The following CELF4 variants were observed in gnomAD, a reference collection of about 807,000 sequenced individuals.
CELF4 encodes CUGBP Elav-like family member 4, also known as CUG-BP- and ETR-3-like factor 4.
Under a neutral mutation model 59.9 loss-of-function variants are expected in CELF4, and 18 were observed. The ratio of observed to expected loss-of-function variants is 0.30; its 90% CI spans 0.21 to 0.45. CELF4 has a LOEUF of 0.45. Ranked by LOEUF, CELF4 falls within the 20% of genes least tolerant of loss-of-function variation. The pLI is 1.00. For missense variants in CELF4, 456 were observed against 689.0 expected, an observed-to-expected ratio of 0.66 and a Z score of 3.79; for synonymous variants, 261 against 267.1, an observed-to-expected ratio of 0.98 and a Z score of 0.22.
At chr18:37,382,289 G>A (rs1259349433) in intron 2 of CELF4, among the ~76,000 whole-genome samples, 1 of 152,190 alleles carries the variant, frequency 6.6e-6, no homozygotes, top group South Asian at 2.1e-4. Context: ...GTCAGCATGT[G>A]CAGTTTGGCT....
chr18:37,453,927 C>A (rs2099771092), intron 2 of CELF4, among the ~76,000 whole-genome samples: 1 of 152,124 alleles, frequency 6.6e-6, no homozygotes, highest in Admixed American at 6.5e-5. Context: ...CTTCTTCCTT[C>A]TCCCCGCTCC....
chr18:37,494,527 G>A (rs1049499627), intron 1 of CELF4, among the ~76,000 whole-genome samples: 1 of 152,222 alleles, frequency 6.6e-6, no homozygotes, highest in East Asian at 1.9e-4. Context: ...GCATGAGGGT[G>A]CTCCCTTATG....
intron 2 of CELF4, among the ~76,000 whole-genome samples, chr18:37,389,701 C>G (rs1452702313): frequency 1.3e-5 from 2 of 152,172 alleles, no homozygotes; most frequent in African/African-American, 2.4e-5. Flanking sequence ...TCCCTGCAGC[C>G]TCACTGTCAC....
chr18:37,552,895 C>T (rs1490758055), intron 1 of CELF4, among the ~76,000 whole-genome samples: 1 of 152,204 alleles, frequency 6.6e-6, no homozygotes, highest in East Asian at 1.9e-4. Context: ...ATCTCTTGCT[C>T]TAAGGCCTGA....
In CELF4 at chr18:37,378,009, G is replaced by A. The variant is rs182153184; in HGVS notation, c.370-56128C>T. On this transcript the variant is annotated intron_variant, in intron 2 of 12. Transcript: ENST00000420428. Reference sequence around the variant, plus strand: ...GCGGGGACCTTCTCCTCCTCCCTGCGCCCCTACGTCAGAGCTGGCTGGGCT... The same window carrying A: ...GCGGGGACCTTCTCCTCCTCCCTGCACCCCTACGTCAGAGCTGGCTGGGCT... Among the ~76,000 whole-genome samples, 345 of 152,214 alleles carry A rather than the reference G, an allele frequency of 2.3e-3. 1 individual carries two copies. The highest frequency in any genetic ancestry group is 8.2e-3 in the African/African-American group (340 of 41,530).
At position 37,253,085 on chromosome 18, in the gene CELF4, C is replaced by G. The variant is rs887033783; in HGVS notation, c.*44+682G>C. On this transcript the variant is annotated intron_variant, in intron 12 of 12. Coordinates refer to ENST00000420428, the MANE Select transcript of CELF4 (RefSeq NM_020180.4). The surrounding 1 kb of genome is among the most constrained non-coding windows in gnomAD (Gnocchi z 4.5). ...CTGGAAGAGGCGTGGCTGACTGTGTCTTCAGCTCCTAGGCAGGACCCAGCC... is the reference window on the plus strand; with the variant it reads ...CTGGAAGAGGCGTGGCTGACTGTGTGTTCAGCTCCTAGGCAGGACCCAGCC... Among the ~76,000 whole-genome samples the G allele has an allele frequency of 4.6e-5, 7 of 152,176 alleles. No homozygotes were observed. Among genetic ancestry groups the G allele is most frequent in the African/African-American group, 1.7e-4 (7 of 41,436 alleles).
intron 2 of CELF4, among the ~76,000 whole-genome samples, chr18:37,431,743 C>T (rs1220963629): frequency 6.6e-6 from 1 of 152,140 alleles, no homozygotes; most frequent in South Asian, 2.1e-4. Flanking sequence ...GTTAAACTTC[C>T]CTGGCAGTTG....
chr18:37,334,557 C>T (rs955976743), intron 2 of CELF4, among the ~76,000 whole-genome samples: 7 of 152,052 alleles, frequency 4.6e-5, no homozygotes, highest in Non-Finnish European at 8.8e-5. Flanking sequence ...GGCGGCTGGA[C>T]GGAGACCCTT....
chr18:37,547,194 C>G (rs935292326), intron 1 of CELF4, among the ~76,000 whole-genome samples: 8 of 94,758 alleles, frequency 8.4e-5, no homozygotes, highest in African/African-American at 1.9e-4. Flanking sequence ...TGTGTGTATT[C>G]TCTTAATACA....
At chr18:37,385,039 T>G (rs960119129) in intron 2 of CELF4, among the ~76,000 whole-genome samples, 1 of 152,212 alleles carries the variant, frequency 6.6e-6, no homozygotes, top group Non-Finnish European at 1.5e-5. Flanking sequence ...GTGTCTGATT[T>G]TTTTGTTAAG....
chr18:37,298,694 C>T (rs2095819784), intron 3 of CELF4, among the ~76,000 whole-genome samples: 1 of 149,004 alleles, frequency 6.7e-6, no homozygotes, highest in South Asian at 2.1e-4. Flanking sequence ...CATTGCACTC[C>T]AGCCTGGGCG....
chr18:37,404,170 T>C (rs905832714), intron 2 of CELF4, among the ~76,000 whole-genome samples: 3 of 152,192 alleles, frequency 2.0e-5, no homozygotes, highest in Non-Finnish European at 4.4e-5. Flanking sequence ...CCCTACATTA[T>C]AGACAAGACA....
chr18:37,404,130 T>A (rs569627900), intron 2 of CELF4, among the ~76,000 whole-genome samples: 181 of 152,316 alleles, frequency 1.2e-3, no homozygotes, highest in African/African-American at 4.2e-3. Context: ...AACAGCCCCA[T>A]GGGCAGGCCT....
At chr18:37,354,122 G>C (rs2098520463) in intron 2 of CELF4, among the ~76,000 whole-genome samples, 1 of 152,022 alleles carries the variant, frequency 6.6e-6, no homozygotes, top group African/African-American at 2.4e-5. Context: ...TTTTCCCTTA[G>C]GACTTGGGCC....
chr18:37,522,228 G>A (rs943905039), intron 1 of CELF4, among the ~76,000 whole-genome samples: 1 of 152,094 alleles, frequency 6.6e-6, no homozygotes, highest in African/African-American at 2.4e-5. Flanking sequence ...GGTGCAACAC[G>A]CAATGCTCCT....
chr18:37,416,485 C>T (rs2099529783), intron 2 of CELF4, among the ~76,000 whole-genome samples: 1 of 152,188 alleles, frequency 6.6e-6, no homozygotes, highest in Admixed American at 6.6e-5. Context: ...GCCCAAGATT[C>T]CCCAAAGCAT....
At chr18:37,270,622 A>G in intron 8 of CELF4, 146 bp downstream of exon 8, 1 of 941,698 alleles carries the variant, frequency 1.1e-6, no homozygotes, top group Non-Finnish European at 1.6e-6. Context: ...GGAAGATGGG[A>G]GGCTGGCCCT....
intron 3 of CELF4, among the ~76,000 whole-genome samples, chr18:37,306,774 G>A (rs1012826796): frequency 6.6e-6 from 1 of 152,158 alleles, no homozygotes; most frequent in African/African-American, 2.4e-5. Context: ...TTCCCATGGG[G>A]CCCAGCGCTG....
chr18:37,421,696 T>C (rs2099579354), intron 2 of CELF4, among the ~76,000 whole-genome samples: 1 of 152,254 alleles, frequency 6.6e-6, no homozygotes, highest in African/African-American at 2.4e-5. Flanking sequence ...GATCGGAGGC[T>C]CAGGCTTGAG....
Sources: allele counts gnomAD v4.1 joint callset (sites outside exome capture counted in the v4.1 genomes callset), GRCh38; gene constraint gnomAD v4.1.1; non-coding constraint Gnocchi (gnomAD v3.1); transcripts MANE v1.5; gene names NCBI Gene and HGNC (gene_info 2026-07-23, HGNC 2026-07-21).